Variants in NF1 observed in about 807,000 individuals in gnomAD.
NF1 encodes neurofibromin 1.
Under a neutral mutation model 325.7 loss-of-function variants are expected in NF1, and 122 were observed. That is an observed-to-expected ratio of 0.37 (90% CI 0.32 to 0.44). The LOEUF is 0.44. NF1 is among the 20% of genes least tolerant of loss of function. The pLI, the probability that NF1 is intolerant of heterozygous loss-of-function variation, is 1.00. For synonymous variants in NF1, 1,091 were observed against 1,186.0 expected (o/e 0.92, Z 1.65); for missense variants, 2,140 against 3,415.4 (o/e 0.63, Z 9.31).
At chr17:31,256,134 C>CTTTATTTA (rs527772575) in intron 31 of NF1, among the ~76,000 whole-genome samples, 30 of 151,780 alleles carry the variant, frequency 2.0e-4, no homozygotes, top group African/African-American at 3.9e-4. Context: ...TTTTGTCTGC[C>CTTTATTTA]TTTATTTATT....
chr17:31,270,018 T>G (rs1412433520), intron 36 of NF1, among the ~76,000 whole-genome samples: 1 of 152,124 alleles, frequency 6.6e-6, no homozygotes, highest in African/African-American at 2.4e-5. Context: ...TGAGGCAAAA[T>G]GGATACTGGG....
At chr17:31,221,727 T>C (rs1221984835) in intron 14 of NF1, 123 bp from the exon 15 acceptor site, 2 of 713,318 alleles carry the variant, frequency 2.8e-6, no homozygotes, top group Non-Finnish European at 4.9e-6. Context: ...TTACTATATA[T>C]TGAAACTACA....
In NF1 at chr17:31,163,473, G is replaced by GT; in HGVS notation, c.479+104dup. On this transcript the variant is annotated intron_variant, in intron 4 of 57. Coordinates refer to ENST00000358273, the MANE Select transcript of NF1 (RefSeq NM_001042492.3). ...AAAATAAAAAGTTAATGGAAATGAG[G>GT]TTTTTTTGTTTTTGAGACAAGTTCT... 5.9e-6 allele frequency: 8 copies of GT among 1,364,034 alleles called. 1 individual carries two copies. The highest frequency in any genetic ancestry group is 3.8e-5 in the South Asian group (3 of 79,626). The allele number at this position is 1,364,034 out of a possible 1,614,324, so 84.5% of individuals were successfully genotyped here. A position where few individuals can be genotyped will look rare whatever the true frequency, so the allele number is the denominator to read the frequency against.
At chr17:31,304,565 C>G (rs145952526) in intron 36 of NF1, 21 of 1,614,012 alleles carry the variant, frequency 1.3e-5, no homozygotes, top group Non-Finnish European at 1.8e-5. Flanking sequence ...CTTTCCTGTC[C>G]TTCCAAATCC....
intron 1 of NF1, chr17:31,136,818 T>A (rs185273658): frequency 6.6e-6 from 1 of 152,160 alleles, no homozygotes; most frequent in Non-Finnish European, 1.5e-5. Flanking sequence ...TAGGCATGTA[T>A]GTGTAGGAAA....
chr17:31,285,852 C>G (rs1004323841), intron 36 of NF1, among the ~76,000 whole-genome samples: 3 of 152,106 alleles, frequency 2.0e-5, no homozygotes, highest in Non-Finnish European at 2.9e-5. Flanking sequence ...CAAACTAGCT[C>G]TTAGTGGTAT....
At chr17:31,350,393 C>A in intron 50 of NF1, 75 bp downstream of exon 50, 2 of 1,292,946 alleles carry the variant, frequency 1.5e-6, no homozygotes, top group Non-Finnish European at 2.2e-6. Context: ...AGGCAAGCAG[C>A]AGAGTAATCT....
rs764838011 is a variant in NF1, at chr17:31,232,229, A to T, written c.3314+40A>T. ...CCAAAAAACATAAAGCAAAAAGCAAATAAAGCCCCCCACCACACAAAAAAA... is the reference window on the plus strand; with the variant it reads ...CCAAAAAACATAAAGCAAAAAGCAATTAAAGCCCCCCACCACACAAAAAAA... On this transcript the variant is annotated intron_variant, in intron 25 of 57. Coordinates refer to ENST00000358273, the MANE Select transcript of NF1 (RefSeq NM_001042492.3). 18 of 1,234,614 alleles carry T rather than the reference A, an allele frequency of 1.5e-5. 1 individual carries two copies. Among genetic ancestry groups the T allele is most frequent in the South Asian group, 1.4e-4 (12 of 83,222 alleles). 76.5% of individuals were successfully genotyped at this position (1,234,614 alleles called of 1,614,324 possible).
chr17:31,304,776 G>T, intron 36 of NF1: 1 of 1,614,000 alleles, frequency 6.2e-7, no homozygotes, highest in Non-Finnish European at 8.5e-7. Flanking sequence ...GTGTGCTTTT[G>T]CTTGGTTTCC....
chr17:31,302,221 C>A (rs1160704251), intron 36 of NF1, among the ~76,000 whole-genome samples: 1 of 152,172 alleles, frequency 6.6e-6, no homozygotes, highest in Admixed American at 6.5e-5. Context: ...AAGAGAAAAC[C>A]TCCCTTTAAA....
At chr17:31,167,596 T>C (rs2065865970) in intron 4 of NF1, among the ~76,000 whole-genome samples, 1 of 152,232 alleles carries the variant, frequency 6.6e-6, no homozygotes, top group Non-Finnish European at 1.5e-5. Flanking sequence ...TTAATTGTGC[T>C]GCTTATATTT....
intron 36 of NF1, among the ~76,000 whole-genome samples, chr17:31,271,610 C>T (rs972254965): frequency 2.0e-5 from 3 of 151,852 alleles, no homozygotes; most frequent in Non-Finnish European, 4.4e-5. Context: ...ATTAATCGAG[C>T]GTGGTGGTGG....
At chr17:31,155,788 T>C (rs949448094) in intron 1 of NF1, among the ~76,000 whole-genome samples, 195 bp from the exon 2 acceptor site, 2 of 152,198 alleles carry the variant, frequency 1.3e-5, no homozygotes, top group African/African-American at 4.8e-5. Context: ...TATATTGGTG[T>C]TTGAGATGCA....
intron 36 of NF1, chr17:31,305,728 T>A: frequency 1.0e-6 from 1 of 980,310 alleles, no homozygotes; most frequent in Non-Finnish European, 1.5e-6. Flanking sequence ...ATAAAGTAGG[T>A]AGACATTATT....
chr17:31,236,349 C>G (rs1171461687), intron 29 of NF1, among the ~76,000 whole-genome samples: 1 of 152,152 alleles, frequency 6.6e-6, no homozygotes, highest in Non-Finnish European at 1.5e-5. Context: ...CATGCATACT[C>G]TTTTTCTAAC....
chr17:31,202,671 G>A (rs2066551124), intron 11 of NF1, among the ~76,000 whole-genome samples: 1 of 152,136 alleles, frequency 6.6e-6, no homozygotes, highest in South Asian at 2.1e-4. Flanking sequence ...ATGCCTGAGG[G>A]AATGATACCT....
chr17:31,304,631 CA>C, intron 36 of NF1: 1 of 1,614,118 alleles, frequency 6.2e-7, no homozygotes, highest in Non-Finnish European at 8.5e-7. Flanking sequence ...ACAGCAGTTC[CA>C]ACTGTTGAAC....
chr17:31,238,524 G>A (rs1157377988), intron 29 of NF1, among the ~76,000 whole-genome samples: 2 of 152,112 alleles, frequency 1.3e-5, no homozygotes, highest in African/African-American at 2.4e-5. Context: ...CACGAAGTCA[G>A]GAGATCGAGA....
chr17:31,307,774 G>A (rs959838170), intron 36 of NF1: 1 of 625,114 alleles, frequency 1.6e-6, no homozygotes, highest in African/African-American at 1.9e-5. Context: ...AAATCTTAGG[G>A]TGTTAGATAT....
Sources: gnomAD v4.1 joint callset for allele counts (sites outside exome capture counted in the v4.1 genomes callset) on GRCh38, gnomAD v4.1.1 for gene constraint, MANE v1.5 for transcripts, NCBI Gene and HGNC (gene_info 2026-07-23, HGNC 2026-07-21) for gene names.